The following CROCC2 variants were observed in gnomAD, a reference collection of about 807,000 sequenced individuals.
CROCC2 encodes the protein ciliary rootlet coiled-coil protein 2.
A neutral mutation model predicts 177.6 loss-of-function variants in CROCC2; 163 were observed. The observed-to-expected ratio is 0.92, with a 90% CI of 0.81 to 1.05. The LOEUF (loss-of-function observed/expected upper bound fraction) is 1.05, where lower values mean the gene tolerates loss of function less well. CROCC2 is among the 50% of genes least tolerant of loss of function. The pLI is 0.00. For missense variants in CROCC2, 1,929 were observed against 1,797.8 expected (o/e 1.07, Z -1.32); for synonymous variants, 904 against 787.3 (o/e 1.15, Z -2.48).
chr2:240,926,225 G>A (rs1266163624), intron 5 of CROCC2, among the ~76,000 whole-genome samples: 1 of 152,234 alleles, frequency 6.6e-6, no homozygotes, highest in Non-Finnish European at 1.5e-5. Context: ...TCAGGAGCAG[G>A]GACCTTGGAA....
chr2:240,981,761 A>T (rs1284518297), intron 27 of CROCC2: 1 of 151,600 alleles, frequency 6.6e-6, no homozygotes, highest in South Asian at 2.1e-4. Flanking sequence ...CAAAAAAAAA[A>T]GTGTTTTCAG....
intron 20 of CROCC2, among the ~76,000 whole-genome samples, chr2:240,961,552 ACT>A (rs2059634187): frequency 6.7e-6 from 1 of 149,046 alleles, no homozygotes; most frequent in Non-Finnish European, 1.5e-5. Flanking sequence ...ACACACACAC[ACT>A]CATCACACTC....
At position 240,950,521 on chromosome 2, in the gene CROCC2, G is replaced by T; in HGVS notation, c.2829+11G>T. On this transcript the variant is annotated intron_variant, in intron 18 of 31. Transcript: ENST00000690015. ...CACAAGATGCAACAGGTGATGGTGA[G>T]GCTGGGGGGCAGCGGGATTGCTCAC... 6.5e-7 allele frequency: 1 copy of T among 1,544,450 alleles called. No homozygotes were observed. The highest frequency in any genetic ancestry group is 8.7e-7 in the Non-Finnish European group (1 of 1,143,170).
intron 15 of CROCC2, among the ~76,000 whole-genome samples, chr2:240,948,291 T>C (rs957751836): frequency 1.3e-5 from 2 of 152,010 alleles, no homozygotes; most frequent in Non-Finnish European, 2.9e-5. Flanking sequence ...TTGGATGTGC[T>C]CTACCCCGAT....
Position 240,960,796 on chromosome 2 carries a change from A to G in CROCC2, c.3087+1352A>G, listed in dbSNP as rs1406185480. Among the ~76,000 whole-genome samples, 1 of 151,884 alleles carries G rather than the reference A, an allele frequency of 6.6e-6. No individual in the cohort carries two copies. Among genetic ancestry groups the G allele is most frequent in the Admixed American group, 6.5e-5 (1 of 15,270 alleles). On this transcript the variant is annotated intron_variant, in intron 20 of 31. Transcript: ENST00000690015. The surrounding 1 kb of genome is among the most constrained non-coding windows in gnomAD (Gnocchi z 5.0). ...TGAGAGAGGAAGAGAACATGATTTA[A>G]CATGACCGGCTGTTTACATTGGCCC...
At chr2:240,988,679 C>T in intron 28 of CROCC2, 60 bp from the exon 29 acceptor site, 2 of 1,311,856 alleles carry the variant, frequency 1.5e-6, no homozygotes, top group African/African-American at 1.5e-5. Flanking sequence ...CAGAGGAGGG[C>T]TGGCCTGACC....
intron 27 of CROCC2, among the ~76,000 whole-genome samples, chr2:240,970,615 A>T (rs926082998): frequency 6.6e-6 from 1 of 152,038 alleles, no homozygotes; most frequent in Non-Finnish European, 1.5e-5. Context: ...TCCCAGCTGC[A>T]CTGCTTCCAC....
At chr2:240,942,289 A>G (rs1401061743) in intron 14 of CROCC2, among the ~76,000 whole-genome samples, 1 of 152,150 alleles carries the variant, frequency 6.6e-6, no homozygotes, top group East Asian at 1.9e-4. Context: ...ATTTTTAACC[A>G]TTCACACACA....
chr2:240,991,271 A>G lies in CROCC2; in HGVS notation c.4939A>G (p.Thr1647Ala). ...GGCCCACCTCGGCCAGGCCTTCCAG[A>G]CAGGACAGTGAGCCCTGCTGCATAC... The part of the protein sequence containing the change: ...QQAHLGQAFQ[T>A]GHAQRD The change falls in exon 31 of 32, where the codon ACA (threonine) becomes GCA (alanine). Residue 1647 changes from threonine (T) to alanine (A), a missense_variant. This residue lies in a region of CROCC2 where 388 missense variants were observed against 352.7 expected (regional missense o/e 1.10). Coordinates refer to ENST00000690015, the MANE Select transcript of CROCC2 (RefSeq NM_001351305.2). The G allele has an allele frequency of 1.3e-6, 2 of 1,548,426 alleles. No individual in the cohort carries two copies. Among genetic ancestry groups the G allele is most frequent in the Non-Finnish European group, 1.7e-6 (2 of 1,145,958 alleles).
intron 14 of CROCC2, among the ~76,000 whole-genome samples, chr2:240,938,490 A>G (rs2059481420): frequency 6.6e-6 from 1 of 152,248 alleles, no homozygotes; most frequent in African/African-American, 2.4e-5. Flanking sequence ...GAAATTGAGT[A>G]GTGTACACAC....
chr2:240,993,182 CACCCGTGATGAGACA>C lies in CROCC2; in HGVS notation c.*102_*116del. On this transcript the variant is annotated 3_prime_UTR_variant, in exon 32 of 32. Transcript: ENST00000690015. ...GATTTCTCAGCGTCACAGTGAAAGG[CACCCGTGATGAGACA>C]GCTCGCTCTCGGCAGTTTCAGGACC... The C allele has an allele frequency of 1.5e-6, 1 of 685,302 alleles. No individual in the cohort carries two copies. Among genetic ancestry groups the C allele is most frequent in the South Asian group, 1.6e-5 (1 of 64,410 alleles). 42.5% of individuals were successfully genotyped at this position (685,302 alleles called of 1,614,324 possible).
rs1364745771 is a variant in CROCC2, at chr2:240,955,972, G to A, written c.2943G>A (p.Gln981=). Residue 981 remains glutamine, a splice_region_variant and synonymous_variant, in exon 19 of 32, where the codon CAG becomes CAA. Transcript: ENST00000690015. ...CACAGAGCCAGCAGGAGCAAGCGCA[G>A]GTGAGCCCCATGCAGCCAGGCCACG... is the stretch of plus-strand genomic sequence containing the variant. ...QEAQSQQEQA[Q]ATISATTEEL... is the part of the protein sequence containing the mutation. The A allele has an allele frequency of 5.9e-6, 9 of 1,533,810 alleles. No individual in the cohort carries two copies. In the Admixed American group the frequency reaches 9.8e-5, roughly 17 times the overall value.
rs77859312 is a variant in CROCC2 at position 240,926,489 on chromosome 2, G to A, written c.645+609G>A. Among the ~76,000 whole-genome samples the A allele has an allele frequency of 0.013, 1,999 of 152,346 alleles. 89 individuals are homozygous for A. In the East Asian group the frequency reaches 0.15, roughly 11 times the overall value. On this transcript the variant is annotated intron_variant, in intron 5 of 31. Transcript: ENST00000690015. ...CTCTCCAGCCAGGCAGTCCCTGAGG[G>A]CCTGAAGGTGTTCCCAACAGCCCTC...
At chr2:240,941,415 C>G (rs2059493900) in intron 14 of CROCC2, among the ~76,000 whole-genome samples, 1 of 152,170 alleles carries the variant, frequency 6.6e-6, no homozygotes, top group Admixed American at 6.5e-5. Flanking sequence ...CATCACATTA[C>G]CCAACTTCAA....
rs180805051 is a variant in CROCC2 at position 240,953,986 on chromosome 2, G to A, written c.2830-1873G>A. Among the ~76,000 whole-genome samples the A allele has an allele frequency of 1.3e-5, 2 of 152,308 alleles. No homozygotes were observed. ...CCCTTGCTGTGTCCAGTAATGAGGGGTACAGGAGGGAGAGGCAGGGCCCCA... is the reference window on the plus strand; with the variant it reads ...CCCTTGCTGTGTCCAGTAATGAGGGATACAGGAGGGAGAGGCAGGGCCCCA... On this transcript the variant is annotated intron_variant, in intron 18 of 31. Transcript: ENST00000690015. The surrounding 1 kb of genome is among the most constrained non-coding windows in gnomAD (Gnocchi z 4.0).
chr2:240,974,933 G>A (rs879676980), intron 27 of CROCC2, among the ~76,000 whole-genome samples: 7 of 152,040 alleles, frequency 4.6e-5, no homozygotes, highest in African/African-American at 7.2e-5. Flanking sequence ...TATTGCTTAC[G>A]TCATCTTCCT....
At chr2:240,941,266 A>G (rs976466833) in intron 14 of CROCC2, among the ~76,000 whole-genome samples, 4 of 152,336 alleles carry the variant, frequency 2.6e-5, no homozygotes, top group African/African-American at 9.6e-5. Context: ...GCCAAAATCA[A>G]TACACAAATT....
At chr2:240,937,063 C>G (rs4675842) in intron 14 of CROCC2, among the ~76,000 whole-genome samples, 48,765 of 152,198 alleles carry the variant, frequency 0.32, 8,607 homozygotes, top group Middle Eastern at 0.5. Flanking sequence ...AGGGAACAAC[C>G]AAGCAGCTTT....
chr2:240,965,324 T>C (rs916129167), intron 22 of CROCC2, 57 bp from the exon 23 acceptor site: 1 of 1,539,696 alleles, frequency 6.5e-7, no homozygotes. Context: ...GCAGGGAGGC[T>C]GCCTGGGTTC....
Sources: allele counts gnomAD v4.1 joint callset (sites outside exome capture counted in the v4.1 genomes callset), GRCh38; gene constraint gnomAD v4.1.1; regional missense constraint gnomAD v4.1.1; non-coding constraint Gnocchi (gnomAD v3.1); transcripts MANE v1.5; gene names NCBI Gene and HGNC (gene_info 2026-07-23, HGNC 2026-07-21).